The following GSE1 variants were observed in gnomAD, a reference collection of about 807,000 sequenced individuals.
The protein encoded by GSE1 is genetic suppressor element 1.
In GSE1, 32 loss-of-function variants were observed where a neutral mutation model predicts 112.6. That is an observed-to-expected ratio of 0.28 (90% CI 0.21 to 0.38). The LOEUF (loss-of-function observed/expected upper bound fraction) is 0.38, where lower values mean the gene tolerates loss of function less well. GSE1 is among the 10% of genes least tolerant of loss of function. The probability of loss-of-function intolerance (pLI) is 1.00; values close to 1 mark genes in which losing one functional copy is unlikely to be tolerated. For synonymous variants in GSE1, 1,115 were observed against 735.6 expected, an observed-to-expected ratio of 1.52 and a Z score of -8.35; for missense variants, 2,348 against 1,699.2, an observed-to-expected ratio of 1.38 and a Z score of -6.71.
intron 1 of GSE1, among the ~76,000 whole-genome samples, chr16:85,577,055 G>A (rs2046256446): frequency 6.6e-6 from 1 of 152,056 alleles, no homozygotes; most frequent in Non-Finnish European, 1.5e-5. Context: ...CCGGCCAGGG[G>A]CATCACAGTC....
At chr16:85,172,918 C>T (rs1299299049) in intron 1 of GSE1, among the ~76,000 whole-genome samples, 2 of 152,220 alleles carry the variant, frequency 1.3e-5, no homozygotes, top group Non-Finnish European at 2.9e-5. Context: ...GCCCACCTCT[C>T]CCCCGATACG....
At chr16:85,525,257 C>G (rs1004415208) in intron 2 of GSE1, among the ~76,000 whole-genome samples, 4 of 152,072 alleles carry the variant, frequency 2.6e-5, no homozygotes, top group Admixed American at 6.5e-5. Context: ...TTGTCCCCCC[C>G]CCACTGATGG....
chr16:85,510,075 G>C (rs550427476), intron 2 of GSE1, among the ~76,000 whole-genome samples: 8 of 152,280 alleles, frequency 5.3e-5, no homozygotes, highest in African/African-American at 1.4e-4. Context: ...GGCCCCGGGG[G>C]CCAAGCACCC....
At chr16:85,416,863 T>TTTG (rs1567753947) in intron 2 of GSE1, among the ~76,000 whole-genome samples, 8 of 151,754 alleles carry the variant, frequency 5.3e-5, no homozygotes, top group Non-Finnish European at 7.4e-5. Context: ...TTGTTTGTTT[T>TTTG]TTTGTTTTTT....
chr16:85,415,997 C>T (rs1319305589), intron 2 of GSE1, among the ~76,000 whole-genome samples: 3 of 152,158 alleles, frequency 2.0e-5, no homozygotes, highest in African/African-American at 4.8e-5. Flanking sequence ...ATTTATGGCT[C>T]ACCATCGCGG....
chr16:85,484,056 C>A (rs376633339), intron 2 of GSE1, among the ~76,000 whole-genome samples: 17 of 152,312 alleles, frequency 1.1e-4, no homozygotes, highest in African/African-American at 3.8e-4. Flanking sequence ...CCCAGAAGAC[C>A]CTCAGATTCG....
chr16:85,636,101 A>G (rs2049973814), intron 2 of GSE1, among the ~76,000 whole-genome samples: 1 of 152,236 alleles, frequency 6.6e-6, no homozygotes, highest in East Asian at 1.9e-4. Context: ...GCCAGACACC[A>G]TGGCCTCGTG....
intron 1 of GSE1, among the ~76,000 whole-genome samples, chr16:85,218,690 C>T (rs1044846155): frequency 1.3e-5 from 2 of 152,198 alleles, no homozygotes; most frequent in Admixed American, 1.3e-4. Flanking sequence ...CCCAGCTCTG[C>T]GCCTGGCTCA....
chr16:85,625,488 C>A (rs571411312), intron 1 of GSE1, among the ~76,000 whole-genome samples: 1 of 152,216 alleles, frequency 6.6e-6, no homozygotes, highest in Non-Finnish European at 1.5e-5. Flanking sequence ...TGGGAAGCCC[C>A]TCCAGGTGAC....
intron 4 of GSE1, among the ~76,000 whole-genome samples, 156 bp from the exon 5 acceptor site, chr16:85,654,638 C>T (rs1434682061): frequency 1.3e-5 from 2 of 152,166 alleles, no homozygotes; most frequent in Non-Finnish European, 2.9e-5. Flanking sequence ...TGGCAGCTCG[C>T]TCCCCCCGCT....
chr16:85,428,225 A>C (rs1280269449), intron 2 of GSE1, among the ~76,000 whole-genome samples: 2 of 152,210 alleles, frequency 1.3e-5, no homozygotes, highest in African/African-American at 4.8e-5. Context: ...TGAGGGCCCG[A>C]GACAAGGTCC....
intron 10 of GSE1, 44 bp from the exon 11 acceptor site, chr16:85,663,300 A>T (rs1292733409): frequency 1.2e-6 from 2 of 1,605,514 alleles, no homozygotes; most frequent in Non-Finnish European, 1.7e-6. Context: ...CAAGCATACC[A>T]CTGCCAGTGG....
At chr16:85,376,321 A>T (rs1321478305) in intron 2 of GSE1, among the ~76,000 whole-genome samples, 7 of 152,116 alleles carry the variant, frequency 4.6e-5, no homozygotes, top group Non-Finnish European at 8.8e-5. Flanking sequence ...AGTCCTGGGG[A>T]GGTGCCTGGG....
At chr16:85,239,252 G>A (rs938155971) in intron 1 of GSE1, among the ~76,000 whole-genome samples, 2 of 152,136 alleles carry the variant, frequency 1.3e-5, no homozygotes, top group Non-Finnish European at 1.5e-5. Context: ...CTTTTTTAGC[G>A]AAAGTCATTG....
intron 1 of GSE1, chr16:85,583,704 C>T (rs990965918): frequency 2.6e-5 from 4 of 152,172 alleles, no homozygotes; most frequent in Non-Finnish European, 5.9e-5. Flanking sequence ...TCATGCCTGC[C>T]TTTTGTCTTT....
intron 2 of GSE1, among the ~76,000 whole-genome samples, chr16:85,645,564 C>G (rs1006056591): frequency 6.7e-6 from 1 of 149,852 alleles, no homozygotes; most frequent in Non-Finnish European, 1.5e-5. Context: ...ATCGGGATGC[C>G]TGTGGGGCCT....
intron 1 of GSE1, among the ~76,000 whole-genome samples, chr16:85,229,191 C>A (rs141185837): frequency 6.6e-6 from 1 of 152,236 alleles, no homozygotes; most frequent in Non-Finnish European, 1.5e-5. Flanking sequence ...TGAGATCTGG[C>A]GCGGCACCAG....
intron 2 of GSE1, among the ~76,000 whole-genome samples, chr16:85,479,640 C>T (rs1020755496): frequency 2.0e-5 from 3 of 152,266 alleles, no homozygotes; most frequent in East Asian, 1.9e-4. Context: ...GTTTTCAATT[C>T]GCTGAGTGTC....
chr16:85,206,405 T>C (rs1036922733), intron 1 of GSE1, among the ~76,000 whole-genome samples: 3 of 152,122 alleles, frequency 2.0e-5, no homozygotes, highest in Admixed American at 6.5e-5. Context: ...AGAACTGGAA[T>C]GAAGCCAGGT....
Sources: allele counts gnomAD v4.1 joint callset (sites outside exome capture counted in the v4.1 genomes callset), GRCh38; gene constraint gnomAD v4.1.1; transcripts MANE v1.5; gene names NCBI Gene and HGNC (gene_info 2026-07-23, HGNC 2026-07-21).